The following KLHL2 variants were observed in gnomAD, a reference collection of about 807,000 sequenced individuals.
KLHL2 encodes the protein kelch-like protein 2.
Under a neutral mutation model 75.8 loss-of-function variants are expected in KLHL2, and 15 were observed. The observed-to-expected ratio is 0.20, with a 90% CI of 0.13 to 0.30. The LOEUF is 0.30. Among genes scored for constraint, KLHL2 ranks in the 10% least tolerant of loss-of-function variants. The pLI is 1.00. For synonymous variants in KLHL2, 214 were observed against 251.9 expected, an observed-to-expected ratio of 0.85 and a Z score of 1.42; for missense variants, 381 against 741.0, an observed-to-expected ratio of 0.51 and a Z score of 5.64.
At position 165,264,721 on chromosome 4, in the gene KLHL2, C is replaced by CATATATAT. The variant is rs1187856274; in HGVS notation, c.544+1373_544+1380dup. Among the ~76,000 whole-genome samples, 260 of 71,110 alleles carry CATATATAT rather than the reference C, an allele frequency of 3.7e-3. 24 individuals carry two copies. Among genetic ancestry groups the CATATATAT allele is most frequent in the South Asian group, 5.9e-3 (9 of 1,534 alleles). The allele number at this position is 71,110 out of a possible 152,430, so 46.7% of individuals were successfully genotyped here. A position where few individuals can be genotyped will look rare whatever the true frequency, so the allele number is the denominator to read the frequency against. ...GTGTGTGTGTATATATATATATATA[C>CATATATAT]ATATATATATATATATATGTATATA... On this transcript the variant is annotated intron_variant, in intron 5 of 14. Transcript: ENST00000226725.
rs1483214164 is a variant in KLHL2 at position 165,297,644 on chromosome 4, C to T, written c.690C>T (p.Asp230=). The T allele has an allele frequency of 1.9e-6, 3 of 1,613,440 alleles. No individual in the cohort carries two copies. Residue 230 remains aspartate, a synonymous_variant, in exon 7 of 15, where the codon GAC becomes GAT. Coordinates refer to ENST00000226725, the MANE Select transcript of KLHL2 (RefSeq NM_007246.4). ...FEAVIAWVNH[D]KDVRQEFMAR... The stretch of plus-strand genomic sequence containing the variant: ...CAGTAATAGCATGGGTGAACCATGA[C>T]AAGGATGTGAGGCAAGAGTTTATGG...
chr4:165,246,717 T>C (rs1381333164), intron 4 of KLHL2, among the ~76,000 whole-genome samples: 4 of 152,122 alleles, frequency 2.6e-5, no homozygotes, highest in Admixed American at 2.6e-4. Flanking sequence ...GGGGACATAT[T>C]TTTGGGGTGG....
Position 165,251,640 on chromosome 4 carries a change from C to T in KLHL2, c.382-11557C>T, listed in dbSNP as rs1215710472. Among the ~76,000 whole-genome samples the T allele has an allele frequency of 1.1e-4, 15 of 140,748 alleles. 1 individual carries two copies. In the South Asian group the frequency reaches 2.4e-3, roughly 22 times the overall value. The allele number at this position is 140,748 out of a possible 152,430, so 92.3% of individuals were successfully genotyped here. ...GTTTTTTTTTTTTGAGACGGAGTCT[C>T]GCTCTGTCGCCCAGGCTGGAGTGCA... On this transcript the variant is annotated intron_variant, in intron 4 of 14. Coordinates refer to ENST00000226725, the MANE Select transcript of KLHL2 (RefSeq NM_007246.4).
chr4:165,232,169 T>C (rs1428801196), intron 3 of KLHL2, among the ~76,000 whole-genome samples: 1 of 152,114 alleles, frequency 6.6e-6, no homozygotes, highest in Non-Finnish European at 1.5e-5. Flanking sequence ...TTAGATAAGA[T>C]AAAGGCCACT....
intron 5 of KLHL2, chr4:165,279,364 C>T (rs1174126460): frequency 1.9e-6 from 3 of 1,582,224 alleles, no homozygotes; most frequent in African/African-American, 2.7e-5. Context: ...CGGTGGTTTC[C>T]CTCTGGTTGC....
At chr4:165,276,840 A>T (rs1445835647) in intron 5 of KLHL2, among the ~76,000 whole-genome samples, 1 of 152,140 alleles carries the variant, frequency 6.6e-6, no homozygotes, top group African/African-American at 2.4e-5. Flanking sequence ...CCTCAATAGG[A>T]TCCAAAATAT....
intron 4 of KLHL2, among the ~76,000 whole-genome samples, chr4:165,254,612 T>C (rs1435464816): frequency 6.6e-6 from 1 of 152,230 alleles, no homozygotes; most frequent in East Asian, 1.9e-4. Flanking sequence ...TACTGTACTT[T>C]AGTTTGAATA....
chr4:165,254,995 A>G (rs774673508), intron 4 of KLHL2, among the ~76,000 whole-genome samples: 2 of 152,244 alleles, frequency 1.3e-5, no homozygotes, highest in African/African-American at 2.4e-5. Context: ...ATTGCCATGC[A>G]TTGTGTTAAA....
intron 3 of KLHL2, among the ~76,000 whole-genome samples, chr4:165,238,192 A>T (rs975488496): frequency 6.6e-6 from 1 of 152,178 alleles, no homozygotes; most frequent in African/African-American, 2.4e-5. Context: ...ACTCTTTGTT[A>T]TTATTGTGAT....
intron 10 of KLHL2, 82 bp downstream of exon 10, chr4:165,310,832 A>T: frequency 4.2e-5 from 41 of 968,598 alleles, no homozygotes; most frequent in Non-Finnish European, 5.8e-5. Context: ...TGGCAACATT[A>T]GGGCACATGT....
intron 7 of KLHL2, among the ~76,000 whole-genome samples, chr4:165,298,683 C>G (rs1188910514): frequency 6.6e-6 from 1 of 152,084 alleles, no homozygotes; most frequent in Non-Finnish European, 1.5e-5. Context: ...TGGCTCACGT[C>G]TATAATCCCA....
intron 8 of KLHL2, among the ~76,000 whole-genome samples, 178 bp from the exon 9 acceptor site, chr4:165,305,430 G>T (rs577365971): frequency 1.3e-5 from 2 of 152,108 alleles, no homozygotes; most frequent in African/African-American, 2.4e-5. Flanking sequence ...TATTTTTAAC[G>T]TGTGTCCCCT....
At chr4:165,214,315 A>C (rs1737390350) in intron 1 of KLHL2, among the ~76,000 whole-genome samples, 1 of 152,218 alleles carries the variant, frequency 6.6e-6, no homozygotes, top group South Asian at 2.1e-4. Flanking sequence ...TCCCTATTTT[A>C]GCACCTCACA....
chr4:165,320,462 C>G (rs1746884368), intron 14 of KLHL2, among the ~76,000 whole-genome samples: 1 of 152,114 alleles, frequency 6.6e-6, no homozygotes, highest in Admixed American at 6.5e-5. Flanking sequence ...TGCCCTTGGC[C>G]ACCCAGAACC....
chr4:165,256,513 A>G (rs947145690), intron 4 of KLHL2, among the ~76,000 whole-genome samples: 3 of 152,134 alleles, frequency 2.0e-5, no homozygotes, highest in African/African-American at 7.2e-5. Context: ...TCAGACTCCA[A>G]AGGCCTTTCA....
intron 5 of KLHL2, among the ~76,000 whole-genome samples, chr4:165,276,463 A>G (rs1157674957): frequency 1.3e-5 from 2 of 151,966 alleles, no homozygotes; most frequent in East Asian, 3.9e-4. Flanking sequence ...GAACCTAGGT[A>G]GAAGGGTACC....
chr4:165,296,463 G>A (rs1744916741), intron 6 of KLHL2, among the ~76,000 whole-genome samples: 1 of 152,226 alleles, frequency 6.6e-6, no homozygotes, highest in South Asian at 2.1e-4. Context: ...AAATTGCACA[G>A]TGTCCCTTCC....
chr4:165,216,222 A>G (rs1737532709), intron 1 of KLHL2, among the ~76,000 whole-genome samples: 1 of 152,184 alleles, frequency 6.6e-6, no homozygotes, highest in Admixed American at 6.5e-5. Context: ...GCAGAGTCAG[A>G]AAGTCACCTC....
chr4:165,265,270 A>G (rs1009276474), intron 5 of KLHL2, among the ~76,000 whole-genome samples: 5 of 151,848 alleles, frequency 3.3e-5, no homozygotes, highest in African/African-American at 9.7e-5. Flanking sequence ...TAGATTCTGG[A>G]TATTAGTCCT....
Sources: allele counts gnomAD v4.1 joint callset (sites outside exome capture counted in the v4.1 genomes callset), GRCh38; gene constraint gnomAD v4.1.1; transcripts MANE v1.5; gene names NCBI Gene and HGNC (gene_info 2026-07-23, HGNC 2026-07-21).